Variants in TBC1D2 observed in about 807,000 individuals in gnomAD.
The protein encoded by TBC1D2 is TBC1 domain family member 2A.
TBC1D2 carries 58 observed loss-of-function variants against 91.1 expected under a neutral mutation model. That is an observed-to-expected ratio of 0.64 (90% CI 0.52 to 0.79). The LOEUF (loss-of-function observed/expected upper bound fraction) is 0.79, where lower values mean the gene tolerates loss of function less well. Ranked by LOEUF, TBC1D2 falls within the 30% of genes least tolerant of loss-of-function variation. TBC1D2 has a pLI of 0.00. For synonymous variants in TBC1D2, 482 were observed against 511.5 expected, an observed-to-expected ratio of 0.94 and a Z score of 0.78; for missense variants, 1,080 against 1,208.3, an observed-to-expected ratio of 0.89 and a Z score of 1.57.
intron 5 of TBC1D2, among the ~76,000 whole-genome samples, chr9:98,225,608 T>C (rs10985517): frequency 0.44 from 66,737 of 152,100 alleles, 17,473 homozygotes; most frequent in African/African-American, 0.74. Flanking sequence ...AATGCTGGCT[T>C]AGCCCCTGGG....
rs151134525 is a variant in TBC1D2 at position 98,252,849 on chromosome 9, C to T, written c.370-923G>A. On this transcript the variant is annotated intron_variant, in intron 1 of 12. Transcript: ENST00000465784. ...AATCAAGGCCACATGAGAACAACAG[C>T]GGGCTACATGGCAACAGAGGCAAAC... Among the ~76,000 whole-genome samples, 901 of 152,246 alleles carry T rather than the reference C, an allele frequency of 5.9e-3. 8 individuals are homozygous for T. The highest frequency in any genetic ancestry group is 0.034 in the Middle Eastern group (10 of 294).
At chr9:98,217,203 G>A (rs3824452) in intron 6 of TBC1D2, among the ~76,000 whole-genome samples, 33,823 of 152,066 alleles carry the variant, frequency 0.22, 4,181 homozygotes, top group African/African-American at 0.33. Context: ...CAGAACTGTA[G>A]GGAGGAAAAA....
chr9:98,203,515 G>A (rs778076590), intron 9 of TBC1D2, 107 bp from the exon 10 acceptor site: 159 of 1,493,320 alleles, frequency 1.1e-4, no homozygotes, highest in Non-Finnish European at 1.4e-4. Context: ...CCTTCCATGT[G>A]AGCATCAGTG....
At chr9:98,233,348 A>G in intron 4 of TBC1D2, 68 bp downstream of exon 4, 1 of 1,541,472 alleles carries the variant, frequency 6.5e-7, no homozygotes, top group South Asian at 1.2e-5. Flanking sequence ...CTGGAAGGAA[A>G]GAAGGCACTT....
intron 9 of TBC1D2, among the ~76,000 whole-genome samples, chr9:98,207,455 C>G (rs1828684508): frequency 6.6e-6 from 1 of 152,208 alleles, no homozygotes; most frequent in Non-Finnish European, 1.5e-5. Context: ...CCCTCACAGT[C>G]TTGGAGGGGA....
intron 6 of TBC1D2, among the ~76,000 whole-genome samples, chr9:98,216,345 G>A (rs1281497176): frequency 6.6e-6 from 1 of 151,500 alleles, no homozygotes; most frequent in Non-Finnish European, 1.5e-5. Context: ...ACAGAGTTCG[G>A]AATCCAATGC....
intron 2 of TBC1D2, among the ~76,000 whole-genome samples, chr9:98,247,173 A>G (rs987344028): frequency 3.3e-5 from 5 of 152,048 alleles, no homozygotes; most frequent in African/African-American, 1.2e-4. Context: ...CTAAAAATAC[A>G]AAAACAAACT....
chr9:98,220,319 C>T (rs543452831), intron 6 of TBC1D2, among the ~76,000 whole-genome samples: 60 of 152,234 alleles, frequency 3.9e-4, no homozygotes, highest in African/African-American at 1.4e-3. Context: ...CTAAATGTGG[C>T]GATGCACCCA....
chr9:98,229,194 A>C (rs370581372), intron 4 of TBC1D2, 46 bp from the exon 5 acceptor site: 2 of 1,587,680 alleles, frequency 1.3e-6, no homozygotes, highest in South Asian at 1.1e-5. Context: ...TGACATCAGC[A>C]GTTCTCAAAC....
chr9:98,220,267 G>A (rs945733272), intron 6 of TBC1D2, among the ~76,000 whole-genome samples: 3 of 152,202 alleles, frequency 2.0e-5, no homozygotes, highest in African/African-American at 7.2e-5. Flanking sequence ...TAAAGGGGGA[G>A]CACACCAGCG....
chr9:98,220,729 TCC>T, intron 6 of TBC1D2, 102 bp downstream of exon 6: 1 of 1,409,600 alleles, frequency 7.1e-7, no homozygotes, highest in Admixed American at 2.2e-5. Context: ...TGAAGGGGTA[TCC>T]CCACTCCACC....
Position 98,255,530 on chromosome 9 carries a change from A to G in TBC1D2, c.12T>C (p.Ala4=), listed in dbSNP as rs770923146. ...AGCTGGACTCCGGGGCGTTCTCCCC[A>G]GCGCCCTCCATCGCTGCCAGCCGGA... The part of the protein sequence containing the change: MEG[A]GENAPESSSS... Residue 4 remains alanine (A), a synonymous_variant, in exon 1 of 13, where the codon GCT becomes GCC. Coordinates refer to ENST00000465784, the MANE Select transcript of TBC1D2 (RefSeq NM_001267571.2). 3 of 1,518,242 alleles carry G rather than the reference A, an allele frequency of 2.0e-6. No homozygotes were observed. The highest frequency in any genetic ancestry group is 2.6e-6 in the Non-Finnish European group (3 of 1,133,374). 94.0% of individuals were successfully genotyped at this position (1,518,242 alleles called of 1,614,324 possible).
intron 1 of TBC1D2, 93 bp downstream of exon 1, chr9:98,255,080 T>A (rs968792937): frequency 1.3e-6 from 2 of 1,494,702 alleles, no homozygotes; most frequent in African/African-American, 2.8e-5. Context: ...CACTCCAAAT[T>A]TACTGTGTCC....
At chr9:98,207,964 C>T (rs929545137) in intron 9 of TBC1D2, among the ~76,000 whole-genome samples, 12 of 152,126 alleles carry the variant, frequency 7.9e-5, no homozygotes, top group Non-Finnish European at 1.2e-4. Flanking sequence ...CTGTGAACTC[C>T]CCTTGTAACA....
chr9:98,223,062 C>T (rs766380944), intron 5 of TBC1D2, among the ~76,000 whole-genome samples: 12 of 152,222 alleles, frequency 7.9e-5, no homozygotes, highest in South Asian at 6.2e-4. Context: ...AGAGTTCCCA[C>T]CTCCAAGGAC....
chr9:98,248,471 G>C (rs947481907), intron 2 of TBC1D2, among the ~76,000 whole-genome samples: 1 of 152,178 alleles, frequency 6.6e-6, no homozygotes, highest in African/African-American at 2.4e-5. Flanking sequence ...GCGCTGCCTA[G>C]ACAAAAAAAG....
At chr9:98,247,213 G>A (rs1398030497) in intron 2 of TBC1D2, among the ~76,000 whole-genome samples, 1 of 151,964 alleles carries the variant, frequency 6.6e-6, no homozygotes, top group Non-Finnish European at 1.5e-5. Context: ...TGTAGTCCCA[G>A]CTACTTGGGA....
intron 3 of TBC1D2, among the ~76,000 whole-genome samples, chr9:98,240,409 A>G (rs1051593044): frequency 3.3e-5 from 5 of 152,150 alleles, no homozygotes; most frequent in South Asian, 2.1e-4. Flanking sequence ...TCCCTTTCCC[A>G]GTCTTGCCTT....
chr9:98,210,843 A>T lies in TBC1D2; in HGVS notation c.1486T>A (p.Cys496Ser). Reference sequence around the variant, plus strand: ...CAGTTTCTGGCTTGGAGGTAGGCGCACTGCAAACAGGGAAAGGCTGGTCAG... The same window carrying T: ...CAGTTTCTGGCTTGGAGGTAGGCGCTCTGCAAACAGGGAAAGGCTGGTCAG... The part of the protein sequence containing the change: ...AEKEKALLTK[C>S]AYLQARNCQV... Residue 496 changes from cysteine to serine, a missense_variant and splice_region_variant, in exon 8 of 13, where the codon TGC (cysteine) becomes AGC (serine). Physicochemically the swap from Cys to Ser is moderately radical, Grantham distance 112. Coordinates refer to ENST00000465784, the MANE Select transcript of TBC1D2 (RefSeq NM_001267571.2). The T allele has an allele frequency of 6.4e-7, 1 of 1,550,992 alleles. No homozygotes were observed. The highest frequency in any genetic ancestry group is 8.7e-7 in the Non-Finnish European group (1 of 1,146,514).
Sources: gnomAD v4.1 joint callset for allele counts (sites outside exome capture counted in the v4.1 genomes callset) on GRCh38, gnomAD v4.1.1 for gene constraint, MANE v1.5 for transcripts, NCBI Gene and HGNC (gene_info 2026-07-23, HGNC 2026-07-21) for gene names.